LILRA1: variants seen among roughly 807,000 people sequenced by gnomAD.
LILRA1 encodes the protein leukocyte immunoglobulin like receptor A1.
Under a neutral mutation model 51.6 loss-of-function variants are expected in LILRA1, and 51 were observed. The observed-to-expected ratio is 0.99, with a 90% CI of 0.79 to 1.25. The LOEUF (loss-of-function observed/expected upper bound fraction) is 1.25. LILRA1 is among the 50% of genes most tolerant of loss of function. The pLI, the probability that LILRA1 is intolerant of heterozygous loss-of-function variation, is 0.00. For synonymous variants in LILRA1, 305 were observed against 248.4 expected (o/e 1.23, Z -2.14); for missense variants, 660 against 611.7 (o/e 1.08, Z -0.83).
rs148373889 is a variant in LILRA1, at chr19:54,599,307, C to T, written c.1312+21C>T. On this transcript the variant is annotated intron_variant, in intron 8 of 9. Transcript: ENST00000251372. Reference sequence around the variant, plus strand: ...GGCTGGTGAGTGAGGAGATGCTTGCCGTGATGACGCTGGGCACAGAGGGTC... The same window carrying T: ...GGCTGGTGAGTGAGGAGATGCTTGCTGTGATGACGCTGGGCACAGAGGGTC... 653 of 1,554,800 alleles carry T rather than the reference C, an allele frequency of 4.2e-4. 5 individuals carry two copies. The East Asian group carries it at 0.013, about 32-fold the overall frequency.
intron 5 of LILRA1, 45 bp downstream of exon 5, chr19:54,595,447 A>C (rs1282502677): frequency 2.5e-6 from 4 of 1,571,560 alleles, no homozygotes; most frequent in Non-Finnish European, 2.6e-6. Context: ...AGTCTCCCTG[A>C]GTCTCCAGGC....
rs534770724 is a variant in LILRA1 at position 54,594,967 on chromosome 19, A to C, written c.358+15A>C. ...GGTGGTGACAGGTGAGCTGACACTGAGGGCTCCCAGCCCCAGGCTCTGCCC... is the reference window on the plus strand; with the variant it reads ...GGTGGTGACAGGTGAGCTGACACTGCGGGCTCCCAGCCCCAGGCTCTGCCC... On this transcript the variant is annotated intron_variant, in intron 4 of 9. Transcript: ENST00000251372. The C allele has an allele frequency of 1.2e-6, 2 of 1,613,206 alleles. No individual in the cohort carries two copies. The highest frequency in any genetic ancestry group is 2.2e-5 in the East Asian group (1 of 44,862).
Position 54,594,496 on chromosome 19 carries a change from TC to T in LILRA1, c.70+23del. 1.9e-6 allele frequency: 3 copies of T among 1,614,022 alleles called. No homozygotes were observed. Among genetic ancestry groups the T allele is most frequent in the Non-Finnish European group, 2.5e-6 (3 of 1,179,984 alleles). ...AGGCAGGTGAGTCTGTCCCCAGCTC[TC>T]CCAGGTCCCTCCTCCTCACTGGGGA... On this transcript the variant is annotated intron_variant, in intron 3 of 9. Transcript: ENST00000251372.
At chr19:54,600,608 G>T in intron 9 of LILRA1, 58 bp downstream of exon 9, 2 of 1,612,386 alleles carry the variant, frequency 1.2e-6, no homozygotes, top group Non-Finnish European at 1.7e-6. Flanking sequence ...GTCCTGTCAA[G>T]GGTAAGGAGG....
At chr19:54,600,450 AAGAATGC>A in intron 8 of LILRA1, 55 bp from the exon 9 acceptor site, 1 of 1,544,492 alleles carries the variant, frequency 6.5e-7, no homozygotes, top group Non-Finnish European at 8.9e-7. Context: ...AGGGGAAGAT[AAGAATGC>A]AGAGCCCAGG....
At chr19:54,593,839 G>A in intron 1 of LILRA1, 58 bp downstream of exon 1, 2 of 866,282 alleles carry the variant, frequency 2.3e-6, no homozygotes, top group East Asian at 4.8e-5. Context: ...GTGACCATGT[G>A]GGAGGCTGTG....
In LILRA1 at chr19:54,593,798, G is replaced by T; in HGVS notation, c.-49+17G>T. 1.6e-5 allele frequency: 19 copies of T among 1,185,598 alleles called. No individual in the cohort carries two copies. Among genetic ancestry groups the T allele is most frequent in the Non-Finnish European group, 2.2e-5 (19 of 871,778 alleles). 73.4% of individuals were successfully genotyped at this position (1,185,598 alleles called of 1,614,324 possible). ...ACTGCCATGGTAAGGACCCCACAACGCTGAGCTGATGGATGGCTGAAGGAG... is the reference window on the plus strand; with the variant it reads ...ACTGCCATGGTAAGGACCCCACAACTCTGAGCTGATGGATGGCTGAAGGAG... On this transcript the variant is annotated intron_variant, in intron 1 of 9. Transcript: ENST00000251372.
chr19:54,596,318 C>T lies in LILRA1; in HGVS notation c.1088C>T (p.Ala363Val), dbSNP rs774879937. 6.2e-7 allele frequency: 1 copy of T among 1,614,158 alleles called. No homozygotes were observed. The highest frequency in any genetic ancestry group is 2.2e-5 in the East Asian group (1 of 44,886). ...TTCCTTCTGACCAAGGCGGGAGCAGCTGATGCCCCCCTCCGTCTCAGATCA... is the reference window on the plus strand; with the variant it reads ...TTCCTTCTGACCAAGGCGGGAGCAGTTGATGCCCCCCTCCGTCTCAGATCA... ...HTFLLTKAGAADAPLRLRSIH... is the reference protein window; with the variant it reads ...HTFLLTKAGAVDAPLRLRSIH... Residue 363 changes from alanine to valine, a missense_variant, in exon 7 of 10, where the codon GCT becomes GTT. Ala to Val is a moderately conservative substitution (Grantham distance 64). Coordinates refer to ENST00000251372, the MANE Select transcript of LILRA1 (RefSeq NM_006863.4).
At chr19:54,595,515 G>T in intron 5 of LILRA1, 113 bp downstream of exon 5, 1 of 1,538,964 alleles carries the variant, frequency 6.5e-7, no homozygotes, top group Non-Finnish European at 8.7e-7. Flanking sequence ...TGGGGCGAGA[G>T]GGCTCAGGGC....
rs377547206 is a variant in LILRA1, at chr19:54,600,675, G to A, written c.1352-24G>A. The A allele has an allele frequency of 1.5e-5, 24 of 1,613,568 alleles. No individual in the cohort carries two copies. The African/African-American group carries it at 3.2e-4, about 22-fold the overall frequency. ...GAAGTTGATCTGCCCTGACCTCTGT[G>A]ACCTCTTTGCCCACCATCCCCAGCC... On this transcript the variant is annotated intron_variant, in intron 9 of 9. Transcript: ENST00000251372.
Position 54,595,948 on chromosome 19 carries a change from G to A in LILRA1, c.958+13G>A. 6.2e-7 allele frequency: 1 copy of A among 1,611,882 alleles called. No homozygotes were observed. The highest frequency in any genetic ancestry group is 8.5e-7 in the Non-Finnish European group (1 of 1,179,760). On this transcript the variant is annotated intron_variant, in intron 6 of 9. Transcript: ENST00000251372. ...ATCCTGATCGCAGGTGAGGAGCCCA[G>A]CGGGTTCAGTCAGGGACACAGGCTC...
At chr19:54,594,628 G>C in intron 3 of LILRA1, 37 bp from the exon 4 acceptor site, 1 of 1,609,116 alleles carries the variant, frequency 6.2e-7, no homozygotes, top group Non-Finnish European at 8.5e-7. Context: ...TGTTGGGTGG[G>C]AAATGACTTA....
Position 54,595,880 on chromosome 19 carries a change from C to G in LILRA1, c.903C>G (p.Tyr301Ter). 6.2e-7 allele frequency: 1 copy of G among 1,613,992 alleles called. No individual in the cohort carries two copies. Among genetic ancestry groups the G allele is most frequent in the Non-Finnish European group, 8.5e-7 (1 of 1,179,956 alleles). ...GCCAGTACAGATGCTCCGGTGCATA[C>G]AACCTCTCCTCCGAGTGGTCGGCCC... ...YGGQYRCSGA[Y>*]NLSSEWSAPS... Residue 301 changes from tyrosine (Y) to a stop codon, truncating the protein, a stop_gained, in exon 6 of 10, where the codon TAC becomes TAG. Coordinates refer to ENST00000251372, the MANE Select transcript of LILRA1 (RefSeq NM_006863.4). LOFTEE classifies it high-confidence loss of function.
chr19:54,599,372 T>A (rs2063125905), intron 8 of LILRA1, 86 bp downstream of exon 8: 2 of 1,458,180 alleles, frequency 1.4e-6, no homozygotes, highest in Non-Finnish European at 1.8e-6. Context: ...GGGTGGACAT[T>A]TTAAAAAATT....
chr19:54,597,851 G>T (rs1036450784), intron 7 of LILRA1, among the ~76,000 whole-genome samples: 3 of 151,652 alleles, frequency 2.0e-5, no homozygotes, highest in Non-Finnish European at 4.4e-5. Context: ...CACGTGCTGT[G>T]AATAATTCCC....
rs572467903 is a variant in LILRA1, at chr19:54,601,667, C to T, written c.*850C>T. On this transcript the variant is annotated 3_prime_UTR_variant, in exon 10 of 10. Coordinates refer to ENST00000251372, the MANE Select transcript of LILRA1 (RefSeq NM_006863.4). The stretch of plus-strand genomic sequence containing the variant: ...GCATTTGCAGTGTGTTGGTGATCCA[C>T]GAAAGGAAAATCACGGAAGCAGGAT... 7 of 152,284 alleles carry T rather than the reference C, an allele frequency of 4.6e-5. No individual in the cohort carries two copies. Among genetic ancestry groups the T allele is most frequent in the Non-Finnish European group, 1.0e-4 (7 of 68,032 alleles). The allele number at this position is 152,284 out of a possible 1,614,324, so 9.4% of individuals were successfully genotyped here.
chr19:54,594,540 G>A (rs1002307347), intron 3 of LILRA1, 64 bp downstream of exon 3: 1 of 1,613,858 alleles, frequency 6.2e-7, no homozygotes, highest in South Asian at 1.1e-5. Context: ...CCACCCCCGT[G>A]CAGCTGGGGA....
At position 54,594,256 on chromosome 19, in the gene LILRA1, C is replaced by T. The variant is rs147201880; in HGVS notation, c.12C>T (p.Ile4=). The change falls in exon 2 of 10, where the codon ATC becomes ATT. Residue 4 remains isoleucine, a synonymous_variant. Coordinates refer to ENST00000251372, the MANE Select transcript of LILRA1 (RefSeq NM_006863.4). MTP[I]VTVLICLRLS... ...TGGGAGGAGACGCTATGACCCCCAT[C>T]GTCACAGTCCTGATCTGTCTCAGTG... The T allele has an allele frequency of 1.4e-4, 231 of 1,612,172 alleles. 1 individual carries two copies. Among genetic ancestry groups the T allele is most frequent in the Non-Finnish European group, 1.8e-4 (217 of 1,179,346 alleles).
intron 3 of LILRA1, 78 bp from the exon 4 acceptor site, chr19:54,594,587 T>C: frequency 1.2e-6 from 2 of 1,607,284 alleles, no homozygotes; most frequent in South Asian, 1.1e-5. Context: ...GATGGGGGCA[T>C]CTGGAGGGTC....
Sources: gnomAD v4.1 joint callset for allele counts (sites outside exome capture counted in the v4.1 genomes callset) on GRCh38, gnomAD v4.1.1 for gene constraint, MANE v1.5 for transcripts, NCBI Gene and HGNC (gene_info 2026-07-23, HGNC 2026-07-21) for gene names.